Variants in DAZL observed in about 807,000 individuals in gnomAD.
DAZL encodes the protein deleted in azoospermia-like.
DAZL carries 4 observed loss-of-function variants against 45.0 expected under a neutral mutation model. The observed-to-expected ratio is 0.09, with a 90% confidence interval of 0.04 to 0.20. The LOEUF (loss-of-function observed/expected upper bound fraction) is 0.20. Ranked by LOEUF, DAZL falls within the 10% of genes least tolerant of loss-of-function variation. DAZL has a pLI of 1.00. For missense variants in DAZL, 326 were observed against 351.3 expected (o/e 0.93, Z 0.58); for synonymous variants, 122 against 112.4 (o/e 1.09, Z -0.54).
chr3:16,605,372 G>A lies in DAZL; in HGVS notation c.-167C>T. On this transcript the variant is annotated 5_prime_UTR_variant, in exon 1 of 11. Coordinates refer to ENST00000399444, the MANE Select transcript of DAZL (RefSeq NM_001351.4). ...AAGGAAAACCAAGAGCGGGTGACAA[G>A]GCTGAGGAGCCCCGAAAGGCGGACC... is the stretch of plus-strand genomic sequence containing the variant. 1 of 826,670 alleles carries A rather than the reference G, an allele frequency of 1.2e-6. No homozygotes were observed. Among genetic ancestry groups the A allele is most frequent in the South Asian group, 1.5e-5 (1 of 68,418 alleles). 51.2% of individuals were successfully genotyped at this position (826,670 alleles called of 1,614,324 possible). A position where few individuals can be genotyped will look rare whatever the true frequency, so the allele number is the denominator to read the frequency against.
rs767220381 is a variant in DAZL at position 16,597,559 on chromosome 3, T to TG, written c.243-19dup. 2.1e-5 allele frequency: 32 copies of TG among 1,527,052 alleles called. No homozygotes were observed. In the South Asian group the frequency reaches 3.5e-4, roughly 17 times the overall value. 94.6% of individuals were successfully genotyped at this position (1,527,052 alleles called of 1,614,324 possible). On this transcript the variant is annotated intron_variant, in intron 3 of 10. Coordinates refer to ENST00000399444, the MANE Select transcript of DAZL (RefSeq NM_001351.4). ...ATCCATAGCTATAAAGGCAGATAAA[T>TG]GAAGTATAAAATCACCATCATACAG...
chr3:16,588,550 C>T lies in DAZL; in HGVS notation c.*110G>A, dbSNP rs905434083. ...AGAGTCTAATAATACAACTTATACA[C>T]AAAGTTTGAGTGTGATTTACCAAAA... On this transcript the variant is annotated 3_prime_UTR_variant, in exon 11 of 11. Transcript: ENST00000399444. 11 of 839,602 alleles carry T rather than the reference C, an allele frequency of 1.3e-5. No individual in the cohort carries two copies. Among genetic ancestry groups the T allele is most frequent in the Admixed American group, 3.5e-5 (2 of 57,930 alleles). 52.0% of individuals were successfully genotyped at this position (839,602 alleles called of 1,614,324 possible). A position where few individuals can be genotyped will look rare whatever the true frequency, so the allele number is the denominator to read the frequency against.
intron 1 of DAZL, among the ~76,000 whole-genome samples, chr3:16,601,568 A>G (rs989236883): frequency 2.4e-4 from 37 of 152,240 alleles, no homozygotes; most frequent in African/African-American, 8.9e-4. Flanking sequence ...CACAATCAAT[A>G]GACAAACTTT....
chr3:16,596,486 A>G (rs931584120), intron 6 of DAZL, among the ~76,000 whole-genome samples: 3 of 147,688 alleles, frequency 2.0e-5, no homozygotes, highest in African/African-American at 7.4e-5. Flanking sequence ...GGAACTAGTT[A>G]TATGGGGGGA....
At position 16,588,397 on chromosome 3, in the gene DAZL, T is replaced by A; in HGVS notation, c.*263A>T. On this transcript the variant is annotated 3_prime_UTR_variant, in exon 11 of 11. Transcript: ENST00000399444. Reference sequence around the variant, plus strand: ...TTTAAACACTTAAAATGCCAATTTTTAAAAAATCCTTGCAGATAAATCTTA... The same window carrying A: ...TTTAAACACTTAAAATGCCAATTTTAAAAAAATCCTTGCAGATAAATCTTA... The A allele has an allele frequency of 5.5e-6, 2 of 365,626 alleles. No homozygotes were observed. The highest frequency in any genetic ancestry group is 3.3e-5 in the South Asian group (1 of 30,146). 22.6% of individuals were successfully genotyped at this position (365,626 alleles called of 1,614,324 possible). A position where few individuals can be genotyped will look rare whatever the true frequency, so the allele number is the denominator to read the frequency against.
chr3:16,595,569 T>C (rs1181737494), intron 6 of DAZL, among the ~76,000 whole-genome samples, 184 bp from the exon 7 acceptor site: 1 of 152,024 alleles, frequency 6.6e-6, no homozygotes, highest in Non-Finnish European at 1.5e-5. Context: ...GTGTTACCCT[T>C]TGGGTGGGGA....
In DAZL at chr3:16,605,310, G is replaced by C; in HGVS notation, c.-105C>G. 2 of 1,387,032 alleles carry C rather than the reference G, an allele frequency of 1.4e-6. No homozygotes were observed. Among genetic ancestry groups the C allele is most frequent in the Non-Finnish European group, 2.1e-6 (2 of 973,324 alleles). The allele number at this position is 1,387,032 out of a possible 1,614,324, so 85.9% of individuals were successfully genotyped here. ...TGAGGTCCGCTGGAACCCGCTGCGC[G>C]GCTTCGAGTGGTCAAAGGAGCCAAA... On this transcript the variant is annotated 5_prime_UTR_variant, in exon 1 of 11. Coordinates refer to ENST00000399444, the MANE Select transcript of DAZL (RefSeq NM_001351.4).
rs746265777 is a variant in DAZL at position 16,593,644 on chromosome 3, T to C, written c.735+11A>G. On this transcript the variant is annotated intron_variant, in intron 9 of 10. Coordinates refer to ENST00000399444, the MANE Select transcript of DAZL (RefSeq NM_001351.4). ...AATATGAAATATATATAAACAAAAT[T>C]AGATGTTTGCCTTTTGTGGGCCATT... 2.0e-6 allele frequency: 3 copies of C among 1,515,218 alleles called. No individual in the cohort carries two copies. The highest frequency in any genetic ancestry group is 2.3e-5 in the East Asian group (1 of 44,090). The allele number at this position is 1,515,218 out of a possible 1,614,324, so 93.9% of individuals were successfully genotyped here.
intron 7 of DAZL, 121 bp downstream of exon 7, chr3:16,595,193 T>C (rs1480484476): frequency 1.8e-6 from 1 of 559,124 alleles, no homozygotes; most frequent in Non-Finnish European, 3.1e-6. Context: ...CTAATTTTTT[T>C]CTTAAATTTT....
intron 10 of DAZL, 35 bp downstream of exon 10, chr3:16,592,015 T>C (rs758386437): frequency 1.6e-5 from 26 of 1,588,866 alleles, no homozygotes; most frequent in Admixed American, 3.3e-5. Context: ...CTAACAAGTG[T>C]GCTTTTTAAT....
At chr3:16,604,515 C>A (rs2125050070) in intron 1 of DAZL, 8 of 1,512,512 alleles carry the variant, frequency 5.3e-6, no homozygotes, top group Non-Finnish European at 5.3e-6. Flanking sequence ...GCAAGTCCCC[C>A]GCAGCTGACA....
chr3:16,599,717 T>C (rs902853559), intron 1 of DAZL, among the ~76,000 whole-genome samples: 2 of 152,228 alleles, frequency 1.3e-5, no homozygotes, highest in African/African-American at 4.8e-5. Context: ...CTTTCCGCAG[T>C]AGACTCTAAG....
intron 1 of DAZL, chr3:16,604,547 C>T: frequency 6.9e-7 from 1 of 1,453,104 alleles, no homozygotes. Flanking sequence ...ACCAGAGGCA[C>T]TTCCGGCCCA....
chr3:16,594,774 C>G (rs1694572045), intron 7 of DAZL, among the ~76,000 whole-genome samples, 191 bp from the exon 8 acceptor site: 1 of 151,856 alleles, frequency 6.6e-6, no homozygotes. Flanking sequence ...TATATAAAAC[C>G]TCACCTTTTT....
chr3:16,595,587 C>A (rs946514966), intron 6 of DAZL, among the ~76,000 whole-genome samples: 2 of 151,832 alleles, frequency 1.3e-5, no homozygotes, highest in Admixed American at 1.3e-4. Flanking sequence ...GGAGGGGGAA[C>A]AGACAAATGA....
At chr3:16,603,452 T>G (rs1246981125) in intron 1 of DAZL, among the ~76,000 whole-genome samples, 1 of 152,056 alleles carries the variant, frequency 6.6e-6, no homozygotes, top group African/African-American at 2.4e-5. Context: ...GTTCAAGTGA[T>G]TCTCCTGCCT....
rs1559402109 is a variant in DAZL, at chr3:16,593,712, CACA to C, written c.675_677del (p.Val226del). The C allele has an allele frequency of 5.0e-6, 8 of 1,612,768 alleles. No individual in the cohort carries two copies. The highest frequency in any genetic ancestry group is 5.1e-6 in the Non-Finnish European group (6 of 1,179,260). On this transcript the variant is annotated inframe_deletion, in exon 9 of 11. Coordinates refer to ENST00000399444, the MANE Select transcript of DAZL (RefSeq NM_001351.4). Reference sequence around the variant, plus strand: ...CTTCATGAACTGAACATTCATTTGGCACAACTTCAGCTCCTGGATCAACTTCAT... The same window carrying C: ...CTTCATGAACTGAACATTCATTTGGCACTTCAGCTCCTGGATCAACTTCAT...
In DAZL at chr3:16,588,414, TAAATC is replaced by T. The variant is rs1165285402; in HGVS notation, c.*241_*245del. The T allele has an allele frequency of 1.2e-5, 4 of 344,100 alleles. No individual in the cohort carries two copies. Among genetic ancestry groups the T allele is most frequent in the Non-Finnish European group, 2.2e-5 (4 of 182,306 alleles). 21.3% of individuals were successfully genotyped at this position (344,100 alleles called of 1,614,324 possible). ...CCAATTTTTAAAAAATCCTTGCAGA[TAAATC>T]TTAGTTTCTTTCAGTCTCAATTATT... On this transcript the variant is annotated 3_prime_UTR_variant, in exon 11 of 11. Transcript: ENST00000399444.
At position 16,596,890 on chromosome 3, in the gene DAZL, CTTTT is replaced by C; in HGVS notation, c.359-5_359-2del. On this transcript the variant is annotated splice_acceptor_variant and splice_polypyrimidine_tract_variant and intron_variant, in intron 5 of 10. Transcript: ENST00000399444. LOFTEE classifies it high-confidence loss of function. ...GGACGTGGCTGCACATGATAAGCAC[CTTTT>C]TGAAAAGCAAAAAGAAAAGGCCTAT... The C allele has an allele frequency of 6.2e-7, 1 of 1,613,718 alleles. No individual in the cohort carries two copies. Among genetic ancestry groups the C allele is most frequent in the East Asian group, 2.2e-5 (1 of 44,848 alleles).
Sources: allele counts gnomAD v4.1 joint callset (sites outside exome capture counted in the v4.1 genomes callset), GRCh38; gene constraint gnomAD v4.1.1; transcripts MANE v1.5; gene names NCBI Gene and HGNC (gene_info 2026-07-23, HGNC 2026-07-21).